Variants in RBFOX2 observed in about 807,000 individuals in gnomAD.
RBFOX2 encodes the protein RNA binding protein fox-1 homolog 2.
A neutral mutation model predicts 49.1 loss-of-function variants in RBFOX2; 10 were observed. The ratio of observed to expected loss-of-function variants is 0.20; its 90% CI spans 0.13 to 0.35. The LOEUF (loss-of-function observed/expected upper bound fraction) is 0.35. Ranked by LOEUF, RBFOX2 falls within the 10% of genes least tolerant of loss-of-function variation. The pLI, the probability that RBFOX2 is intolerant of heterozygous loss-of-function variation, is 1.00. For missense variants in RBFOX2, 323 were observed against 486.9 expected (o/e 0.66, Z 3.17); for synonymous variants, 183 against 187.4 (o/e 0.98, Z 0.19).
At chr22:35,830,607 T>G (rs1956606148) in intron 1 of RBFOX2, among the ~76,000 whole-genome samples, 2 of 152,152 alleles carry the variant, frequency 1.3e-5, no homozygotes, top group African/African-American at 4.8e-5. Flanking sequence ...GCTACAAACT[T>G]GTACAGCATG....
At chr22:35,745,233 G>A (rs1322796794) in intron 11 of RBFOX2, among the ~76,000 whole-genome samples, 3 of 152,186 alleles carry the variant, frequency 2.0e-5, no homozygotes, top group South Asian at 2.1e-4. Context: ...CCTGGCAGAG[G>A]TGTCACTGTG....
intron 1 of RBFOX2, among the ~76,000 whole-genome samples, chr22:35,831,187 T>C (rs949801935): frequency 1.3e-5 from 2 of 152,198 alleles, no homozygotes; most frequent in African/African-American, 2.4e-5. Context: ...CTTACGCCTG[T>C]AATCCCAGCA....
At chr22:35,847,977 G>A (rs960597612) in intron 1 of RBFOX2, among the ~76,000 whole-genome samples, 7 of 152,098 alleles carry the variant, frequency 4.6e-5, no homozygotes, top group Non-Finnish European at 7.4e-5. Context: ...TTGGGAGGGG[G>A]AGATGGTCAA....
chr22:35,786,310 T>A (rs1479057341), intron 2 of RBFOX2, among the ~76,000 whole-genome samples: 1 of 152,234 alleles, frequency 6.6e-6, no homozygotes, highest in Admixed American at 6.5e-5. Context: ...CCCTTGTTTT[T>A]AAGTATGAAA....
At chr22:35,977,056 ATGAC>A (rs1194022769) in intron 1 of RBFOX2, among the ~76,000 whole-genome samples, 5 of 152,194 alleles carry the variant, frequency 3.3e-5, no homozygotes, top group Admixed American at 3.3e-4. Flanking sequence ...TCAAAGAGAT[ATGAC>A]TGACAAATAT....
At chr22:35,772,462 T>C (rs78236550) in intron 4 of RBFOX2, among the ~76,000 whole-genome samples, 3,247 of 152,272 alleles carry the variant, frequency 0.021, 111 homozygotes, top group African/African-American at 0.075. Context: ...ATTCTTTTTT[T>C]GTGCTAATTC....
At chr22:35,810,602 T>C (rs11703238) in intron 1 of RBFOX2, among the ~76,000 whole-genome samples, 167 of 152,164 alleles carry the variant, frequency 1.1e-3, no homozygotes, top group Admixed American at 2.4e-3. Flanking sequence ...AAACAACTAA[T>C]AAAAATGCTC....
In RBFOX2 at chr22:35,992,306, TACAC is replaced by T. The variant is rs908345635; in HGVS notation, c.186+35930_186+35933del. On this transcript the variant is annotated intron_variant, in intron 1 of 13. Coordinates refer to the RBFOX2 transcript ENST00000438146. ...AGATAACCACACACACACATACACATACACACACACACAAGTAACAATTCGAAAC... is the reference window on the plus strand; with the variant it reads ...AGATAACCACACACACACATACACATACACACACAAGTAACAATTCGAAAC... The T allele has an allele frequency of 2.3e-3, 346 of 151,580 alleles. 1 individual carries two copies. Among genetic ancestry groups the T allele is most frequent in the African/African-American group, 8.2e-3 (339 of 41,362 alleles). The allele number at this position is 151,580 out of a possible 1,614,324, so 9.4% of individuals were successfully genotyped here. A position where few individuals can be genotyped will look rare whatever the true frequency, so the allele number is the denominator to read the frequency against.
intron 1 of RBFOX2, among the ~76,000 whole-genome samples, chr22:35,811,667 A>G (rs992835868): frequency 6.6e-6 from 1 of 152,208 alleles, no homozygotes; most frequent in Non-Finnish European, 1.5e-5. Context: ...GCTTTACATA[A>G]AAATTTTCCT....
intron 6 of RBFOX2, among the ~76,000 whole-genome samples, chr22:35,764,437 A>G (rs1940192755): frequency 6.6e-6 from 1 of 152,022 alleles, no homozygotes; most frequent in African/African-American, 2.4e-5. Flanking sequence ...ACAAAAAATT[A>G]GCCAGGTGTG....
At chr22:35,866,256 G>C (rs1463060306) in intron 1 of RBFOX2, among the ~76,000 whole-genome samples, 1 of 152,028 alleles carries the variant, frequency 6.6e-6, no homozygotes, top group East Asian at 1.9e-4. Context: ...TACCTTTGTA[G>C]TCTTATGATT....
intron 1 of RBFOX2, among the ~76,000 whole-genome samples, chr22:35,873,069 TGC>T (rs1263420003): frequency 4.6e-5 from 7 of 152,224 alleles, no homozygotes; most frequent in African/African-American, 1.7e-4. Flanking sequence ...ATTACCACAC[TGC>T]AGAGATTAGA....
rs564475270 is a variant in RBFOX2 at position 35,977,975 on chromosome 22, G to A, written c.187-39078C>T. ...GTCAGGGGGCACTGGAAGACTACAG[G>A]TAAAGCTGGGAAACTCTAGGGAGAT... is the stretch of plus-strand genomic sequence containing the variant. On this transcript the variant is annotated intron_variant, in intron 1 of 13. Coordinates refer to the RBFOX2 transcript ENST00000438146. Among the ~76,000 whole-genome samples, 10 of 151,910 alleles carry A rather than the reference G, an allele frequency of 6.6e-5. 1 individual carries two copies. In the South Asian group the frequency reaches 2.1e-3, roughly 32 times the overall value.
chr22:35,923,082 C>A (rs945384157), intron 1 of RBFOX2, among the ~76,000 whole-genome samples: 5 of 152,190 alleles, frequency 3.3e-5, no homozygotes, highest in African/African-American at 9.7e-5. Context: ...CCCCTTGCAT[C>A]CACAGAAGCT....
chr22:35,808,040 GA>G lies in RBFOX2; in HGVS notation c.252+1739del, dbSNP rs200937442. Reference sequence around the variant, plus strand: ...CTAACAAGAAACAGAGAATAAAAATGAAAAAAAAACCCTGATAATTAGTATA... The same window carrying G: ...CTAACAAGAAACAGAGAATAAAAATGAAAAAAAACCCTGATAATTAGTATA... On this transcript the variant is annotated intron_variant, in intron 2 of 11. Transcript: ENST00000405409. 7.6e-4 allele frequency among the ~76,000 whole-genome samples: 113 copies of G among 148,644 alleles called. 1 individual carries two copies. Among genetic ancestry groups the G allele is most frequent in the Admixed American group, 1.6e-3 (24 of 14,958 alleles).
intron 1 of RBFOX2, among the ~76,000 whole-genome samples, chr22:36,019,946 C>T (rs2146508586): frequency 6.6e-6 from 1 of 152,254 alleles, no homozygotes; most frequent in East Asian, 1.9e-4. Flanking sequence ...CAAGACAATC[C>T]TAAGCCAAAA....
chr22:35,950,281 G>A (rs751685064), intron 1 of RBFOX2, among the ~76,000 whole-genome samples: 1 of 151,694 alleles, frequency 6.6e-6, no homozygotes, highest in Non-Finnish European at 1.5e-5. Context: ...TTTTTTGCCG[G>A]CTGTGTGAAA....
chr22:35,996,123 C>T (rs1045454354), intron 1 of RBFOX2: 1 of 152,080 alleles, frequency 6.6e-6, no homozygotes, highest in East Asian at 1.9e-4. Flanking sequence ...ATTTTCTCTC[C>T]CAAATGAAAA....
At chr22:35,900,229 T>C (rs2048403111) in intron 1 of RBFOX2, among the ~76,000 whole-genome samples, 1 of 152,150 alleles carries the variant, frequency 6.6e-6, no homozygotes, top group African/African-American at 2.4e-5. Context: ...TTCTCCTGTC[T>C]CAACCTCCCA....
Sources: gnomAD v4.1 joint callset for allele counts (sites outside exome capture counted in the v4.1 genomes callset) on GRCh38, gnomAD v4.1.1 for gene constraint, MANE v1.5 for transcripts, NCBI Gene and HGNC (gene_info 2026-07-23, HGNC 2026-07-21) for gene names.